Variants in ARHGEF1 observed in about 807,000 individuals in gnomAD.
The protein encoded by ARHGEF1 is 115 kDa guanine nucleotide exchange factor.
In ARHGEF1, 40 loss-of-function variants were observed where a neutral mutation model predicts 119.7. The ratio of observed to expected loss-of-function variants is 0.33; its 90% CI spans 0.26 to 0.44. ARHGEF1 has a LOEUF of 0.44. ARHGEF1 is among the 20% of genes least tolerant of loss of function. The pLI is 1.00. For synonymous variants in ARHGEF1, 494 were observed against 521.0 expected (o/e 0.95, Z 0.71); for missense variants, 976 against 1,268.3 (o/e 0.77, Z 3.50).
intron 2 of ARHGEF1, chr19:41,929,009 T>C (rs2074889785): frequency 2.4e-6 from 1 of 421,290 alleles, no homozygotes; most frequent in African/African-American, 2.0e-5. Flanking sequence ...AAACACACAC[T>C]CAGGGACACA....
chr19:41,911,979 C>A (rs1003737806), downstream of ARHGEF1, among the ~76,000 whole-genome samples: 7 of 151,990 alleles, frequency 4.6e-5, no homozygotes, highest in Non-Finnish European at 5.9e-5. Context: ...TGCATCCCCC[C>A]CACAGCCCCA....
At position 41,892,282 on chromosome 19, in the gene ARHGEF1, T is replaced by C. The variant is rs782431257; in HGVS notation, c.325-49T>C. 7 of 1,611,336 alleles carry C rather than the reference T, an allele frequency of 4.3e-6. No homozygotes were observed. The highest frequency in any genetic ancestry group is 5.9e-6 in the Non-Finnish European group (7 of 1,178,838). On this transcript the variant is annotated intron_variant, in intron 5 of 28. Transcript: ENST00000354532. The surrounding 1 kb of genome is among the most constrained non-coding windows in gnomAD (Gnocchi z 6.3). Reference sequence around the variant, plus strand: ...TTCCTGGCAGTCCTCCCGGCCTGCATCTCAGCACACCAAGTCCTCCTCTTC... The same window carrying C: ...TTCCTGGCAGTCCTCCCGGCCTGCACCTCAGCACACCAAGTCCTCCTCTTC...
At chr19:41,929,955 G>A (rs1357536845) in exon 3 of ARHGEF1, 1 of 152,196 alleles carries the variant, frequency 6.6e-6, no homozygotes, top group African/African-American at 2.4e-5. Flanking sequence ...AAACATCCCC[G>A]AGCCTCAAGT....
intron 1 of ARHGEF1, among the ~76,000 whole-genome samples, chr19:41,886,527 C>T (rs1209964136): frequency 6.6e-6 from 1 of 151,976 alleles, no homozygotes; most frequent in Non-Finnish European, 1.5e-5. Context: ...GCGATCTTCC[C>T]ACCTTGGCCT....
chr19:41,905,729 T>A lies in ARHGEF1; in HGVS notation c.2337-31T>A. On this transcript the variant is annotated intron_variant, in intron 24 of 28. Transcript: ENST00000354532. The surrounding 1 kb of genome is among the most constrained non-coding windows in gnomAD (Gnocchi z 6.4). ...CCCTGCGGCCCCCCAGGGCCAGGGG[T>A]GTGGGGTCACCCAGCACTTCCTCCC... 6.2e-7 allele frequency: 1 copy of A among 1,611,720 alleles called. No individual in the cohort carries two copies. The highest frequency in any genetic ancestry group is 1.1e-5 in the South Asian group (1 of 91,010).
At chr19:41,899,404 CTT>C (rs2074562287) in intron 14 of ARHGEF1, among the ~76,000 whole-genome samples, 2 of 151,942 alleles carry the variant, frequency 1.3e-5, no homozygotes, top group African/African-American at 4.8e-5. Flanking sequence ...GCAGTGCTTG[CTT>C]CTGCGTGGAG....
Position 41,905,891 on chromosome 19 carries a change from A to G in ARHGEF1, c.2405-48A>G. 6.2e-7 allele frequency: 1 copy of G among 1,612,754 alleles called. No individual in the cohort carries two copies. The highest frequency in any genetic ancestry group is 2.2e-5 in the East Asian group (1 of 44,870). On this transcript the variant is annotated intron_variant, in intron 25 of 28. Coordinates refer to ENST00000354532, the MANE Select transcript of ARHGEF1 (RefSeq NM_004706.4). The surrounding 1 kb of genome is among the most constrained non-coding windows in gnomAD (Gnocchi z 6.4). ...GGCTGCCGGGTGAAGAGAGGCATCC[A>G]CAGGAGGCCCGGCAGGATCTGAGCT... is the stretch of plus-strand genomic sequence containing the variant.
Position 41,893,317 on chromosome 19 carries a change from G to A in ARHGEF1, c.644+14G>A, listed in dbSNP as rs1555846712. 1.2e-6 allele frequency: 2 copies of A among 1,603,864 alleles called. No individual in the cohort carries two copies. The highest frequency in any genetic ancestry group is 2.3e-5 in the East Asian group (1 of 44,382). On this transcript the variant is annotated intron_variant, in intron 8 of 28. Transcript: ENST00000354532. ...CGAAGAAAAGAGGTGAGGGGGGCAG[G>A]GGAGGCGTGCGGCCTCCTGGGTTTG...
rs2074646606 is a variant in ARHGEF1, at chr19:41,903,907, C to T, written c.1917+123C>T. 1.5e-6 allele frequency: 2 copies of T among 1,339,184 alleles called. No homozygotes were observed. The highest frequency in any genetic ancestry group is 3.7e-5 in the Admixed American group (2 of 53,540). 83.0% of individuals were successfully genotyped at this position (1,339,184 alleles called of 1,614,324 possible). A position where few individuals can be genotyped will look rare whatever the true frequency, so the allele number is the denominator to read the frequency against. ...ACCCAGGAAGCGAGAGCTCTGTCCC[C>T]CACCTCATGCCAATCCCATGATCCC... On this transcript the variant is annotated intron_variant, in intron 20 of 28. Coordinates refer to ENST00000354532, the MANE Select transcript of ARHGEF1 (RefSeq NM_004706.4). This position sits in a 1 kb window ranked among gnomAD's most constrained non-coding sequence, Gnocchi z 4.2.
At position 41,904,071 on chromosome 19, in the gene ARHGEF1, G is replaced by T. The variant is rs782515022; in HGVS notation, c.1954G>T (p.Gly652Cys). 6.2e-7 allele frequency: 1 copy of T among 1,614,190 alleles called. No individual in the cohort carries two copies. The highest frequency in any genetic ancestry group is 8.5e-7 in the Non-Finnish European group (1 of 1,180,042). The change falls in exon 21 of 29, where the codon GGC (glycine) becomes TGC (cysteine). Residue 652 changes from glycine to cysteine, a missense_variant. Gly to Cys is a radical substitution (Grantham distance 159). Around this residue, in one of 3 missense-constraint regions of ARHGEF1, gnomAD observed 286 missense variants for 506.8 expected, o/e 0.56. Transcript: ENST00000354532. This position sits in a 1 kb window ranked among gnomAD's most constrained non-coding sequence, Gnocchi z 8.4. ...CACCAAGAAGAAATTGGTCCACGAG[G>T]GCCCACTGACGTGGCGGGTGACTAA... The part of the protein sequence containing the change: ...DITKKKLVHE[G>C]PLTWRVTKDK...
chr19:41,905,679 C>G lies in ARHGEF1; in HGVS notation c.2337-81C>G. 13 of 1,471,326 alleles carry G rather than the reference C, an allele frequency of 8.8e-6. No homozygotes were observed. The highest frequency in any genetic ancestry group is 1.2e-5 in the Non-Finnish European group (13 of 1,063,656). The allele number at this position is 1,471,326 out of a possible 1,614,324, so 91.1% of individuals were successfully genotyped here. ...CTGTCTCCGGACCTCCCTGCCTCCCCACCTCCAGCTCTCTGTCTCCCTGCC... is the reference window on the plus strand; with the variant it reads ...CTGTCTCCGGACCTCCCTGCCTCCCGACCTCCAGCTCTCTGTCTCCCTGCC... On this transcript the variant is annotated intron_variant, in intron 24 of 28. Transcript: ENST00000354532. The surrounding 1 kb of genome is among the most constrained non-coding windows in gnomAD (Gnocchi z 6.4).
In ARHGEF1 at chr19:41,905,663, G is replaced by T; in HGVS notation, c.2337-97G>T. On this transcript the variant is annotated intron_variant, in intron 24 of 28. Transcript: ENST00000354532. This position sits in a 1 kb window ranked among gnomAD's most constrained non-coding sequence, Gnocchi z 6.4. ...GCCTCGACCTCTGTCTCTGTCTCCG[G>T]ACCTCCCTGCCTCCCCACCTCCAGC... 1 of 1,309,368 alleles carries T rather than the reference G, an allele frequency of 7.6e-7. No individual in the cohort carries two copies. Among genetic ancestry groups the T allele is most frequent in the Admixed American group, 1.8e-5 (1 of 54,346 alleles). 81.1% of individuals were successfully genotyped at this position (1,309,368 alleles called of 1,614,324 possible). A position where few individuals can be genotyped will look rare whatever the true frequency, so the allele number is the denominator to read the frequency against.
In ARHGEF1 at chr19:41,898,504, C is replaced by T; in HGVS notation, c.1184C>T (p.Pro395Leu). 1 of 1,555,134 alleles carries T rather than the reference C, an allele frequency of 6.4e-7. No individual in the cohort carries two copies. The highest frequency in any genetic ancestry group is 8.7e-7 in the Non-Finnish European group (1 of 1,149,344). Residue 395 changes from proline (P) to leucine (L), a missense_variant, in exon 14 of 29, where the codon CCT becomes CTT. By Grantham distance (98) the Pro-to-Leu change is moderately conservative. Coordinates refer to ENST00000354532, the MANE Select transcript of ARHGEF1 (RefSeq NM_004706.4). ...RSGLELEPEE[P>L]PGWRELVPPD... ...GGACTGGAGCTTGAACCAGAAGAGC[C>T]TCCCGGCTGGCGGGAACTCGTCCCC...
At position 41,906,819 on chromosome 19, in the gene ARHGEF1, G is replaced by A. The variant is rs782681081; in HGVS notation, c.*17+16G>A. The A allele has an allele frequency of 1.5e-5, 23 of 1,585,372 alleles. No homozygotes were observed. The South Asian group carries it at 2.6e-4, about 18-fold the overall frequency. On this transcript the variant is annotated intron_variant, in intron 28 of 28. Transcript: ENST00000354532. This position sits in a 1 kb window ranked among gnomAD's most constrained non-coding sequence, Gnocchi z 4.5. ...GCCCAGGAAGGTGAGTGGGGCACCT[G>A]GGGGCCAGGGCGCTGTCCTGAAAGG...
intron 1 of ARHGEF1, 86 bp from the exon 2 acceptor site, chr19:41,887,978 T>C: frequency 6.9e-7 from 1 of 1,455,196 alleles, no homozygotes; most frequent in Non-Finnish European, 9.3e-7. Flanking sequence ...TTTACTCACC[T>C]TCACACCTGG....
At chr19:41,907,677 C>T (rs923199696), downstream of ARHGEF1, 5 of 399,586 alleles carry the variant, frequency 1.3e-5, no homozygotes, top group African/African-American at 8.4e-5. Context: ...CCCCCGATCC[C>T]CCATGCTCAG....
At chr19:41,898,688 C>A in intron 14 of ARHGEF1, 101 bp downstream of exon 14, 1 of 1,409,242 alleles carries the variant, frequency 7.1e-7, no homozygotes, top group Non-Finnish European at 9.4e-7. Flanking sequence ...GTGTCATTTA[C>A]CATCGGGAGA....
rs1245142166 is a variant in ARHGEF1, at chr19:41,915,959, G to T, written c.1866-7133G>T. 4.6e-5 allele frequency among the ~76,000 whole-genome samples: 7 copies of T among 151,976 alleles called. No individual in the cohort carries two copies. In the East Asian group the frequency reaches 1.2e-3, roughly 25 times the overall value. ...CCCCCTCCCCCCCGCCGGCCGGCGT[G>T]GTGCGGATGGGTACTCCAGGCAAGC... On this transcript the variant is annotated intron_variant, in intron 18 of 20. Transcript: ENST00000599589.
rs978211475 is a variant in ARHGEF1 at position 41,906,092 on chromosome 19, A to C, written c.2491+67A>C. 38 of 1,466,222 alleles carry C rather than the reference A, an allele frequency of 2.6e-5. No individual in the cohort carries two copies. In the African/African-American group the frequency reaches 4.9e-4, roughly 19 times the overall value. The allele number at this position is 1,466,222 out of a possible 1,614,324, so 90.8% of individuals were successfully genotyped here. ...CAGTGCCTCTGTTCCAACTAGAACA[A>C]GGCTCTCCACGTCAAAAATTTCCTT... On this transcript the variant is annotated intron_variant, in intron 26 of 28. Coordinates refer to ENST00000354532, the MANE Select transcript of ARHGEF1 (RefSeq NM_004706.4). This position sits in a 1 kb window ranked among gnomAD's most constrained non-coding sequence, Gnocchi z 4.5.
Sources: allele counts gnomAD v4.1 joint callset (sites outside exome capture counted in the v4.1 genomes callset), GRCh38; gene constraint gnomAD v4.1.1; regional missense constraint gnomAD v4.1.1; non-coding constraint Gnocchi (gnomAD v3.1); transcripts MANE v1.5; gene names NCBI Gene and HGNC (gene_info 2026-07-23, HGNC 2026-07-21).